CELF2: variants seen among roughly 807,000 people sequenced by gnomAD.
CELF2 encodes the protein CUG triplet repeat RNA-binding protein 2.
CELF2 carries 8 observed loss-of-function variants against 62.6 expected under a neutral mutation model. That is an observed-to-expected ratio of 0.13 (90% confidence interval 0.07 to 0.23). The LOEUF is 0.23. Ranked by LOEUF, CELF2 falls within the 10% of genes least tolerant of loss-of-function variation. CELF2 has a pLI of 1.00. For synonymous variants in CELF2, 258 were observed against 250.0 expected (o/e 1.03, Z -0.30); for missense variants, 333 against 671.0 (o/e 0.50, Z 5.56).
Position 11,211,454 on chromosome 10 carries a change from T to C in CELF2, c.272-5971T>C, listed in dbSNP as rs988013338. ...AGAATGAGTTTAAAATCTGACCTCA[T>C]ATCATTGTCTAGAGTGGTGTCTACA... On this transcript the variant is annotated intron_variant, in intron 2 of 12. Transcript: ENST00000633077. The surrounding 1 kb of genome is among the most constrained non-coding windows in gnomAD (Gnocchi z 4.8). 2.0e-5 allele frequency among the ~76,000 whole-genome samples: 3 copies of C among 152,208 alleles called. No homozygotes were observed. The highest frequency in any genetic ancestry group is 2.9e-5 in the Non-Finnish European group (2 of 68,042).
Position 11,321,214 on chromosome 10 carries a change from G to T in CELF2, c.1122G>T (p.Ala374=). ...LAVAQMLSGM[A]ALNGGLGATG... The stretch of plus-strand genomic sequence containing the variant: ...TTGCTCAAATGCTCTCAGGTATGGC[G>T]GCTCTGAATGGAGGACTTGGCGCCA... The change falls in exon 11 of 13, where the codon GCG becomes GCT. Residue 374 remains alanine (A), a synonymous_variant. Coordinates refer to ENST00000633077, the MANE Select transcript of CELF2 (RefSeq NM_001326342.2). The surrounding 1 kb of genome is among the most constrained non-coding windows in gnomAD (Gnocchi z 6.2). 6.2e-7 allele frequency: 1 copy of T among 1,614,096 alleles called. No individual in the cohort carries two copies. Among genetic ancestry groups the T allele is most frequent in the South Asian group, 1.1e-5 (1 of 91,074 alleles).
chr10:10,649,272 C>A, the CELF2 span, among the ~76,000 whole-genome samples: 1 of 152,180 alleles, frequency 6.6e-6, no homozygotes, highest in African/African-American at 2.4e-5. Context: ...TTGCCTTGAG[C>A]ATCTCAGGGT....
chr10:10,771,483 G>A, the CELF2 span, among the ~76,000 whole-genome samples: 10 of 152,134 alleles, frequency 6.6e-5, no homozygotes, highest in African/African-American at 1.4e-4. Context: ...CTGCTGATAC[G>A]GTTTGGCTGT....
chr10:11,232,142 C>G (rs1007409587), intron 3 of CELF2, among the ~76,000 whole-genome samples: 2 of 151,752 alleles, frequency 1.3e-5, no homozygotes, highest in African/African-American at 4.9e-5. Flanking sequence ...TCCCTCCCCT[C>G]TCCCCCCACC....
In CELF2 at chr10:10,947,899, GA is replaced by G. The variant is rs1166097385; in HGVS notation, c.89+27902del. Among the ~76,000 whole-genome samples the G allele has an allele frequency of 6.6e-6, 1 of 152,208 alleles. No individual in the cohort carries two copies. The highest frequency in any genetic ancestry group is 1.5e-5 in the Non-Finnish European group (1 of 68,026). On this transcript the variant is annotated intron_variant, in intron 2 of 13. Transcript: ENST00000636488. The surrounding 1 kb of genome is among the most constrained non-coding windows in gnomAD (Gnocchi z 4.1). The stretch of plus-strand genomic sequence containing the variant: ...GGGATCCCATAGGAGCTTGAGGCAA[GA>G]ACGTCCAAGCATGGTAGAAAAATCA...
chr10:11,284,083 TG>T (rs2090149135), intron 8 of CELF2, among the ~76,000 whole-genome samples: 1 of 105,474 alleles, frequency 9.5e-6, no homozygotes. Flanking sequence ...GGATGATGGA[TG>T]GAGGAGTGGG....
intron 1 of CELF2, among the ~76,000 whole-genome samples, chr10:11,065,697 C>A (rs2067936973): frequency 6.9e-6 from 1 of 144,792 alleles, no homozygotes; most frequent in Admixed American, 7.4e-5. Flanking sequence ...ACAGACAAAC[C>A]CCACCCCCCG....
intron 8 of CELF2, 147 bp from the exon 9 acceptor site, chr10:11,288,271 G>C: frequency 1.1e-6 from 1 of 870,708 alleles, no homozygotes; most frequent in Non-Finnish European, 1.7e-6. Context: ...GAGGGCTGGA[G>C]AGCCCAGCTC....
the CELF2 span, among the ~76,000 whole-genome samples, chr10:10,521,695 T>A: frequency 2.0e-5 from 3 of 152,156 alleles, no homozygotes; most frequent in Admixed American, 2.0e-4. Context: ...TCTGCTTGTT[T>A]ACTTGCTAAC....
chr10:11,175,503 G>A (rs2070742250), intron 2 of CELF2, among the ~76,000 whole-genome samples: 1 of 152,206 alleles, frequency 6.6e-6, no homozygotes. Flanking sequence ...TGTTTAAAAT[G>A]TTGGAACAGC....
intron 2 of CELF2, among the ~76,000 whole-genome samples, chr10:11,172,036 G>A (rs892095008): frequency 1.3e-5 from 2 of 152,184 alleles, no homozygotes; most frequent in Non-Finnish European, 2.9e-5. Flanking sequence ...ATCAGGAATT[G>A]AGAAAGAATT....
At chr10:10,724,425 G>A in the CELF2 span, among the ~76,000 whole-genome samples, 1 of 152,086 alleles carries the variant, frequency 6.6e-6, no homozygotes, top group Non-Finnish European at 1.5e-5. Context: ...AGAGGCCAAA[G>A]CGGGCAGATC....
the CELF2 span, among the ~76,000 whole-genome samples, chr10:10,726,783 G>A: frequency 0.16 from 24,915 of 152,178 alleles, 2,302 homozygotes; most frequent in East Asian, 0.28. Flanking sequence ...TATGATTACC[G>A]CATAGTATAG....
the CELF2 span, among the ~76,000 whole-genome samples, chr10:10,555,107 A>C: frequency 0.33 from 50,023 of 151,896 alleles, 10,725 homozygotes; most frequent in African/African-American, 0.59. Context: ...TTGCCAAGGG[A>C]AAGCCATAGG....
rs181316619 is a variant in CELF2, at chr10:11,322,215, G to A, written c.1294+829G>A. 2.4e-3 allele frequency among the ~76,000 whole-genome samples: 363 copies of A among 152,274 alleles called. 1 individual carries two copies. In the South Asian group the frequency reaches 0.025, roughly 11 times the overall value. On this transcript the variant is annotated intron_variant, in intron 11 of 12. Transcript: ENST00000633077. ...ATGAGTGTGTGGCCGGCTCTCAGTA[G>A]GTGATGGTTTTCAGGTGAATGATGA...
intron 1 of CELF2, among the ~76,000 whole-genome samples, chr10:11,107,048 G>T (rs1197998976): frequency 6.6e-6 from 1 of 152,224 alleles, no homozygotes; most frequent in Admixed American, 6.5e-5. Context: ...TGGGCTTAAA[G>T]CAAAAACAAA....
the CELF2 span, among the ~76,000 whole-genome samples, chr10:10,630,189 T>G: frequency 6.6e-6 from 1 of 152,170 alleles, no homozygotes; most frequent in Non-Finnish European, 1.5e-5. Flanking sequence ...CTGTGTGGCT[T>G]TGTCTGGGGG....
At chr10:10,487,758 G>A in the CELF2 span, among the ~76,000 whole-genome samples, 5 of 152,206 alleles carry the variant, frequency 3.3e-5, no homozygotes, top group African/African-American at 9.6e-5. Flanking sequence ...AATGCATCAC[G>A]ATTAAAGGTC....
At chr10:10,580,676 C>T in the CELF2 span, among the ~76,000 whole-genome samples, 1 of 152,178 alleles carries the variant, frequency 6.6e-6, no homozygotes, top group Non-Finnish European at 1.5e-5. Context: ...TAATACATAA[C>T]ATAGATTACG....
Sources: gnomAD v4.1 joint callset for allele counts (sites outside exome capture counted in the v4.1 genomes callset) on GRCh38, gnomAD v4.1.1 for gene constraint, Gnocchi (gnomAD v3.1) non-coding constraint, MANE v1.5 for transcripts, NCBI Gene and HGNC (gene_info 2026-07-23, HGNC 2026-07-21) for gene names.